Variants in SORCS3 observed in about 807,000 individuals in gnomAD.
SORCS3 encodes the protein VPS10 domain-containing receptor SorCS3.
SORCS3 carries 57 observed loss-of-function variants against 146.3 expected under a neutral mutation model. That is an observed-to-expected ratio of 0.39 (90% CI 0.31 to 0.49). The LOEUF is 0.49. SORCS3 is among the 20% of genes least tolerant of loss of function. The probability of loss-of-function intolerance (pLI) is 0.92; values close to 1 mark genes in which losing one functional copy is unlikely to be tolerated. For synonymous variants in SORCS3, 653 were observed against 618.5 expected (o/e 1.06, Z -0.83); for missense variants, 1,341 against 1,575.5 (o/e 0.85, Z 2.52).
intron 1 of SORCS3, among the ~76,000 whole-genome samples, chr10:104,711,586 C>T (rs1045772210): frequency 6.6e-6 from 1 of 152,250 alleles, no homozygotes; most frequent in East Asian, 1.9e-4. Flanking sequence ...AGGCCACACT[C>T]ACTTTCTGGG....
At chr10:105,016,268 C>T (rs2055167201) in intron 4 of SORCS3, among the ~76,000 whole-genome samples, 1 of 149,788 alleles carries the variant, frequency 6.7e-6, no homozygotes, top group Non-Finnish European at 1.5e-5. Flanking sequence ...TCTCCTGCTT[C>T]ACCCTCCTGA....
At chr10:105,192,881 G>T (rs1363263703) in intron 14 of SORCS3, among the ~76,000 whole-genome samples, 2 of 152,134 alleles carry the variant, frequency 1.3e-5, no homozygotes, top group Non-Finnish European at 2.9e-5. Context: ...GACTAGGCAG[G>T]CGAGAGTCAA....
At chr10:104,767,214 A>C (rs2017191109) in intron 1 of SORCS3, among the ~76,000 whole-genome samples, 1 of 152,214 alleles carries the variant, frequency 6.6e-6, no homozygotes, top group Non-Finnish European at 1.5e-5. Context: ...GTGCTGACAC[A>C]GCTCAGGATT....
chr10:104,940,236 ATATTTTTTT>A (rs1284564261), intron 3 of SORCS3, among the ~76,000 whole-genome samples: 2,525 of 23,304 alleles, frequency 0.11, 43 homozygotes, highest in African/African-American at 0.21. Context: ...ATATATATAT[ATATTTTTTT>A]TTTTTTTTTT....
Position 105,252,836 on chromosome 10 carries a change from C to G in SORCS3, c.3167C>G (p.Ala1056Gly). The part of the protein sequence containing the change: ...IAVFPGLPTS[A>G]ELFILPPKNL... ...GTGTTTCCTGGTCTCCCCACTTCAG[C>G]AGAGCTTTTCATTCTTCCACCCAAG... is the stretch of plus-strand genomic sequence containing the variant. Residue 1056 changes from alanine (A) to glycine (G), a missense_variant, in exon 23 of 27, where the codon GCA (alanine) becomes GGA (glycine). By Grantham distance (60) the Ala-to-Gly change is moderately conservative. Transcript: ENST00000369701. 2 of 1,614,050 alleles carry G rather than the reference C, an allele frequency of 1.2e-6. No homozygotes were observed. The highest frequency in any genetic ancestry group is 1.3e-5 in the African/African-American group (1 of 75,038).
At chr10:104,845,013 T>C (rs2018187376) in intron 2 of SORCS3, among the ~76,000 whole-genome samples, 1 of 152,220 alleles carries the variant, frequency 6.6e-6, no homozygotes, top group South Asian at 2.1e-4. Flanking sequence ...GTCTTTGCTC[T>C]AGCCTCATTT....
intron 8 of SORCS3, among the ~76,000 whole-genome samples, chr10:105,144,364 G>T (rs703484): frequency 6.6e-6 from 1 of 151,908 alleles, no homozygotes; most frequent in Non-Finnish European, 1.5e-5. Context: ...CTTGAGGGCA[G>T]GTTTTGCTTT....
chr10:105,217,188 T>C, intron 19 of SORCS3, 66 bp downstream of exon 19: 1 of 1,542,008 alleles, frequency 6.5e-7, no homozygotes, highest in Non-Finnish European at 8.9e-7. Flanking sequence ...TGTTCAGACT[T>C]CCTAAAATTC....
At chr10:104,881,466 A>C (rs1310086294) in intron 2 of SORCS3, among the ~76,000 whole-genome samples, 1 of 152,238 alleles carries the variant, frequency 6.6e-6, no homozygotes, top group African/African-American at 2.4e-5. Flanking sequence ...AACCGATGGA[A>C]CATTTAAATG....
intron 20 of SORCS3, among the ~76,000 whole-genome samples, chr10:105,242,785 TTTA>T (rs1564793839): frequency 7.7e-5 from 8 of 104,316 alleles, no homozygotes; most frequent in Non-Finnish European, 1.4e-4. Flanking sequence ...TATTTATATA[TTTA>T]TATACATTTA....
At chr10:104,722,926 C>T (rs970447638) in intron 1 of SORCS3, among the ~76,000 whole-genome samples, 1 of 152,088 alleles carries the variant, frequency 6.6e-6, no homozygotes, top group Non-Finnish European at 1.5e-5. Context: ...TTTCAAAAAA[C>T]CAGCTCCTGT....
chr10:105,093,051 T>A (rs918509734), intron 6 of SORCS3, among the ~76,000 whole-genome samples: 7 of 152,212 alleles, frequency 4.6e-5, no homozygotes, highest in African/African-American at 1.4e-4. Flanking sequence ...CTCATTGACA[T>A]GATTGCCTAT....
intron 5 of SORCS3, among the ~76,000 whole-genome samples, chr10:105,084,314 G>C (rs2055644554): frequency 6.6e-6 from 1 of 152,126 alleles, no homozygotes; most frequent in Non-Finnish European, 1.5e-5. Context: ...CCTGACACAG[G>C]AATGGTCTCA....
At chr10:104,923,604 A>G (rs1374674213) in intron 3 of SORCS3, among the ~76,000 whole-genome samples, 1 of 152,168 alleles carries the variant, frequency 6.6e-6, no homozygotes, top group Non-Finnish European at 1.5e-5. Flanking sequence ...CCTGCAGGCA[A>G]GGGAGTTAGA....
At chr10:105,047,328 G>A (rs950556341) in intron 5 of SORCS3, among the ~76,000 whole-genome samples, 2 of 152,028 alleles carry the variant, frequency 1.3e-5, no homozygotes, top group African/African-American at 4.8e-5. Flanking sequence ...GTCTCTGATG[G>A]CATTCACTTG....
intron 9 of SORCS3, among the ~76,000 whole-genome samples, chr10:105,152,259 A>G (rs2056173067): frequency 1.3e-5 from 2 of 152,214 alleles, no homozygotes; most frequent in Admixed American, 6.5e-5. Context: ...TGTCAAATAC[A>G]TACATAAGGT....
chr10:105,151,682 A>G (rs1440423884), intron 9 of SORCS3, among the ~76,000 whole-genome samples: 1 of 151,996 alleles, frequency 6.6e-6, no homozygotes, highest in African/African-American at 2.4e-5. Context: ...CTTGGCACTG[A>G]AAAATCCTTG....
intron 4 of SORCS3, among the ~76,000 whole-genome samples, chr10:104,984,012 C>T (rs994505544): frequency 6.6e-6 from 1 of 152,110 alleles, no homozygotes; most frequent in Non-Finnish European, 1.5e-5. Flanking sequence ...TCAAGAAACA[C>T]CACTGGCATC....
At chr10:105,062,293 G>T (rs1646315984) in intron 5 of SORCS3, among the ~76,000 whole-genome samples, 1 of 152,206 alleles carries the variant, frequency 6.6e-6, no homozygotes, top group South Asian at 2.1e-4. Flanking sequence ...CGCAGACTGT[G>T]TAGGTTTAAA....
Sources: allele counts gnomAD v4.1 joint callset (sites outside exome capture counted in the v4.1 genomes callset), GRCh38; gene constraint gnomAD v4.1.1; transcripts MANE v1.5; gene names NCBI Gene and HGNC (gene_info 2026-07-23, HGNC 2026-07-21).